Variants in GSK3B observed in about 807,000 individuals in gnomAD.
GSK3B encodes glycogen synthase kinase 3 beta.
A neutral mutation model predicts 56.4 loss-of-function variants in GSK3B; 15 were observed. That is an observed-to-expected ratio of 0.27 (90% CI 0.18 to 0.41). The LOEUF is 0.41. GSK3B is among the 10% of genes least tolerant of loss of function. The pLI is 1.00. For synonymous variants in GSK3B, 181 were observed against 188.9 expected (o/e 0.96, Z 0.34); for missense variants, 300 against 513.4 (o/e 0.58, Z 4.02).
chr3:119,895,437 C>G (rs1027534966), intron 7 of GSK3B, among the ~76,000 whole-genome samples: 4 of 151,906 alleles, frequency 2.6e-5, no homozygotes, highest in Non-Finnish European at 5.9e-5. Context: ...GATAGATTAC[C>G]TAGAAGTGGA....
chr3:119,961,926 T>C (rs868600245), intron 2 of GSK3B, among the ~76,000 whole-genome samples: 5 of 152,194 alleles, frequency 3.3e-5, no homozygotes, highest in Non-Finnish European at 5.9e-5. Context: ...CAGGCCAACA[T>C]AGGTGTTCTG....
At chr3:119,939,876 G>C (rs2057030731) in intron 3 of GSK3B, among the ~76,000 whole-genome samples, 1 of 152,084 alleles carries the variant, frequency 6.6e-6, no homozygotes, top group African/African-American at 2.4e-5. Context: ...TGAGGCTCTA[G>C]AGTTCATCAG....
At chr3:119,875,349 T>C (rs2056298763) in intron 8 of GSK3B, among the ~76,000 whole-genome samples, 1 of 152,106 alleles carries the variant, frequency 6.6e-6, no homozygotes, top group Admixed American at 6.6e-5. Context: ...ATTTCACCTA[T>C]AGCCCTAAAT....
intron 1 of GSK3B, among the ~76,000 whole-genome samples, chr3:120,043,002 A>G (rs2058075757): frequency 2.0e-5 from 3 of 152,270 alleles, no homozygotes; most frequent in Non-Finnish European, 2.9e-5. Context: ...ACAAAAGACC[A>G]ATTCCTCAAG....
At chr3:119,883,684 CA>C (rs2056403230) in intron 7 of GSK3B, among the ~76,000 whole-genome samples, 1 of 152,104 alleles carries the variant, frequency 6.6e-6, no homozygotes, top group African/African-American at 2.4e-5. Flanking sequence ...CATTTTTAAA[CA>C]TGAGAAAAAC....
At chr3:119,988,077 G>A (rs918215916) in intron 2 of GSK3B, among the ~76,000 whole-genome samples, 1 of 152,124 alleles carries the variant, frequency 6.6e-6, no homozygotes, top group Non-Finnish European at 1.5e-5. Flanking sequence ...CAGCTATAAA[G>A]CTCTAACAGG....
intron 7 of GSK3B, among the ~76,000 whole-genome samples, chr3:119,887,040 A>C (rs139907809): frequency 1.5e-3 from 232 of 152,296 alleles, no homozygotes; most frequent in Middle Eastern, 3.4e-3. Context: ...ACTGTTAATA[A>C]CAGAGGTCTT....
intron 7 of GSK3B, among the ~76,000 whole-genome samples, chr3:119,878,547 T>C (rs910671795): frequency 6.6e-6 from 1 of 152,190 alleles, no homozygotes; most frequent in African/African-American, 2.4e-5. Context: ...GAAAACAGTT[T>C]GGAAGTTTCT....
At chr3:119,976,940 C>T (rs902847619) in intron 2 of GSK3B, among the ~76,000 whole-genome samples, 1 of 151,954 alleles carries the variant, frequency 6.6e-6, no homozygotes, top group African/African-American at 2.4e-5. Flanking sequence ...TTAAAAAGCA[C>T]ATTATGCCTT....
At chr3:119,854,183 G>GT (rs1234529163) in intron 9 of GSK3B, among the ~76,000 whole-genome samples, 3 of 152,124 alleles carry the variant, frequency 2.0e-5, no homozygotes, top group Non-Finnish European at 4.4e-5. Flanking sequence ...TAATCACGTG[G>GT]TTTTTGTCTT....
intron 3 of GSK3B, among the ~76,000 whole-genome samples, chr3:119,938,441 G>C (rs920140017): frequency 6.6e-6 from 1 of 151,892 alleles, no homozygotes; most frequent in African/African-American, 2.4e-5. Flanking sequence ...ACCAAGATTG[G>C]GGTATAATCC....
At chr3:119,843,441 T>C (rs1426172782) in intron 9 of GSK3B, 88 bp from the exon 10 acceptor site, 7 of 685,598 alleles carry the variant, frequency 1.0e-5, no homozygotes, top group African/African-American at 1.8e-5. Flanking sequence ...AATAAGATTC[T>C]GCATTAAACT....
At chr3:119,849,157 T>G (rs925911084) in intron 9 of GSK3B, among the ~76,000 whole-genome samples, 1 of 152,182 alleles carries the variant, frequency 6.6e-6, no homozygotes, top group African/African-American at 2.4e-5. Flanking sequence ...AAATTCAGAT[T>G]TACCATTCTC....
chr3:119,868,234 G>A (rs2056207549), intron 8 of GSK3B, among the ~76,000 whole-genome samples: 1 of 152,100 alleles, frequency 6.6e-6, no homozygotes. Flanking sequence ...CACCTATGCA[G>A]CAACTCATTT....
chr3:119,956,948 A>G (rs552555429), intron 2 of GSK3B, among the ~76,000 whole-genome samples: 3 of 152,370 alleles, frequency 2.0e-5, no homozygotes, highest in Admixed American at 6.5e-5. Context: ...CAATATTTAT[A>G]AGAATGAATG....
chr3:119,867,313 TCTTA>T (rs2056196385), intron 8 of GSK3B, among the ~76,000 whole-genome samples: 1 of 152,236 alleles, frequency 6.6e-6, no homozygotes, highest in African/African-American at 2.4e-5. Context: ...ATTCTCATTA[TCTTA>T]GGACTCATCA....
rs143740741 is a variant in GSK3B, at chr3:119,944,934, T to C, written c.366+2334A>G. On this transcript the variant is annotated intron_variant, in intron 3 of 10. Transcript: ENST00000264235. The stretch of plus-strand genomic sequence containing the variant: ...ATTTAGGTTCCTTTCTAAACAGCAG[T>C]GGATACTCTCAGTAACCTATTCCAA... 1.2e-4 allele frequency among the ~76,000 whole-genome samples: 19 copies of C among 152,322 alleles called. No homozygotes were observed. In the East Asian group the frequency reaches 3.5e-3, roughly 28 times the overall value.
intron 4 of GSK3B, among the ~76,000 whole-genome samples, chr3:119,917,379 T>C (rs2056791918): frequency 6.6e-6 from 1 of 152,164 alleles, no homozygotes; most frequent in African/African-American, 2.4e-5. Flanking sequence ...ACAGATAAGA[T>C]CTTTTATAAG....
At chr3:119,994,052 C>T (rs1459247421) in intron 2 of GSK3B, among the ~76,000 whole-genome samples, 7 of 152,032 alleles carry the variant, frequency 4.6e-5, no homozygotes, top group East Asian at 1.9e-4. Flanking sequence ...TTAGTAGAGA[C>T]GGGGTTTCAC....
Sources: allele counts gnomAD v4.1 joint callset (sites outside exome capture counted in the v4.1 genomes callset), GRCh38; gene constraint gnomAD v4.1.1; transcripts MANE v1.5; gene names NCBI Gene and HGNC (gene_info 2026-07-23, HGNC 2026-07-21).